Variants in CLTCL1 observed in about 807,000 individuals in gnomAD.
CLTCL1 encodes the protein clathrin heavy chain 2.
In CLTCL1, 159 loss-of-function variants were observed where a neutral mutation model predicts 190.0. The ratio of observed to expected loss-of-function variants is 0.84; its 90% CI spans 0.74 to 0.95. The LOEUF is 0.95. CLTCL1 is among the 40% of genes least tolerant of loss of function. CLTCL1 has a pLI of 0.00. For synonymous variants in CLTCL1, 752 were observed against 769.6 expected (o/e 0.98, Z 0.38); for missense variants, 1,878 against 2,033.4 (o/e 0.92, Z 1.47).
chr22:19,207,010 A>ATTTTTTTTTTTTT (rs781980213), intron 22 of CLTCL1, among the ~76,000 whole-genome samples: 1 of 92,784 alleles, frequency 1.1e-5, no homozygotes. Flanking sequence ...TAAACTACTA[A>ATTTTTTTTTTTTT]TTTTTTTTTT....
chr22:19,199,941 A>C (rs2084827692), intron 23 of CLTCL1, 100 bp from the exon 24 acceptor site: 3 of 686,450 alleles, frequency 4.4e-6, no homozygotes, highest in Non-Finnish European at 7.4e-6. Context: ...AAATACCAGC[A>C]GTGGGGTATT....
chr22:19,202,654 G>C (rs2084935250), intron 22 of CLTCL1, among the ~76,000 whole-genome samples: 2 of 135,376 alleles, frequency 1.5e-5, no homozygotes. Flanking sequence ...GGCACCTCTT[G>C]TACCACCCCT....
At chr22:19,281,689 G>A (rs2087721234) in intron 1 of CLTCL1, among the ~76,000 whole-genome samples, 1 of 152,164 alleles carries the variant, frequency 6.6e-6, no homozygotes, top group Admixed American at 6.5e-5. Context: ...AAGTGGGCCT[G>A]GGTTTTCTAA....
intron 1 of CLTCL1, among the ~76,000 whole-genome samples, chr22:19,276,919 T>A (rs552317114): frequency 2.6e-5 from 4 of 151,958 alleles, no homozygotes; most frequent in Non-Finnish European, 4.4e-5. Flanking sequence ...TGATCCGCCC[T>A]CCTTGGCCTC....
chr22:19,236,432 C>T (rs2086083553), intron 5 of CLTCL1, among the ~76,000 whole-genome samples: 1 of 152,140 alleles, frequency 6.6e-6, no homozygotes. Flanking sequence ...CACTTATTAA[C>T]CTTTGAGTTT....
intron 2 of CLTCL1, among the ~76,000 whole-genome samples, chr22:19,272,299 A>C (rs1224132418): frequency 2.0e-5 from 3 of 152,188 alleles, no homozygotes; most frequent in African/African-American, 7.2e-5. Context: ...CAGCAAAGAA[A>C]GTATGAACAG....
At chr22:19,180,271 G>C (rs2084086179) in intron 31 of CLTCL1, 33 bp from the exon 32 acceptor site, 1 of 1,613,138 alleles carries the variant, frequency 6.2e-7, no homozygotes, top group African/African-American at 1.3e-5. Context: ...AATGGTGGAA[G>C]GACACACTCA....
At chr22:19,216,288 T>C (rs1454734771) in intron 18 of CLTCL1, 32 bp from the exon 19 acceptor site, 2 of 1,608,844 alleles carry the variant, frequency 1.2e-6, no homozygotes, top group Non-Finnish European at 1.7e-6. Context: ...AAGAACTTGA[T>C]TAAAGTCAAT....
At chr22:19,255,277 A>G (rs376053923) in intron 2 of CLTCL1, among the ~76,000 whole-genome samples, 66 of 152,300 alleles carry the variant, frequency 4.3e-4, no homozygotes, top group African/African-American at 1.5e-3. Flanking sequence ...AAAAATTTCA[A>G]TTGGGCTGGG....
chr22:19,236,593 T>A (rs1389802227), intron 5 of CLTCL1, among the ~76,000 whole-genome samples: 1 of 152,144 alleles, frequency 6.6e-6, no homozygotes, highest in African/African-American at 2.4e-5. Context: ...ATTTTACCAC[T>A]GGAAGAGACA....
intron 30 of CLTCL1, 58 bp downstream of exon 30, chr22:19,183,332 G>T: frequency 6.8e-7 from 1 of 1,480,018 alleles, no homozygotes; most frequent in Non-Finnish European, 9.3e-7. Context: ...CAGAGTCACT[G>T]CCAGGGTTGG....
intron 15 of CLTCL1, 100 bp downstream of exon 15, chr22:19,222,584 T>A: frequency 7.2e-7 from 1 of 1,384,106 alleles, no homozygotes; most frequent in East Asian, 2.5e-5. Flanking sequence ...AAAATGATAG[T>A]CTCTGAAATG....
chr22:19,218,356 A>G (rs1389400049), intron 18 of CLTCL1, among the ~76,000 whole-genome samples: 1 of 152,218 alleles, frequency 6.6e-6, no homozygotes, highest in Non-Finnish European at 1.5e-5. Flanking sequence ...TTTTTATTAG[A>G]TTTGGATGGG....
chr22:19,234,774 C>A (rs1388193572), intron 6 of CLTCL1, 68 bp from the exon 7 acceptor site: 8 of 1,343,870 alleles, frequency 6.0e-6, no homozygotes, highest in Non-Finnish European at 8.4e-6. Context: ...CTGCCATGTT[C>A]CCTTCCGATG....
At chr22:19,255,834 T>C (rs949591067) in intron 2 of CLTCL1, among the ~76,000 whole-genome samples, 1 of 145,280 alleles carries the variant, frequency 6.9e-6, no homozygotes, top group African/African-American at 2.6e-5. Context: ...TGCTTGAGCC[T>C]GGGAGGCGGA....
intron 20 of CLTCL1, among the ~76,000 whole-genome samples, chr22:19,210,118 C>T (rs549162908): frequency 4.6e-5 from 7 of 152,110 alleles, no homozygotes; most frequent in Admixed American, 4.6e-4. Flanking sequence ...GACTAACAGC[C>T]AATGGAAGGA....
At chr22:19,185,188 G>A (rs116889858) in intron 29 of CLTCL1, among the ~76,000 whole-genome samples, 555 of 152,266 alleles carry the variant, frequency 3.6e-3, no homozygotes, top group African/African-American at 0.012. Flanking sequence ...TGTGCACTGG[G>A]GCTTGTGGGC....
intron 2 of CLTCL1, among the ~76,000 whole-genome samples, chr22:19,263,476 G>A (rs559574415): frequency 1.6e-4 from 24 of 152,056 alleles, no homozygotes; most frequent in South Asian, 4.1e-4. Context: ...GTGCAGTGGC[G>A]CAGTCTTGGC....
At chr22:19,210,280 G>A (rs1555945677) in intron 20 of CLTCL1, 46 bp downstream of exon 20, 1 of 1,582,344 alleles carries the variant, frequency 6.3e-7, no homozygotes, top group South Asian at 1.1e-5. Context: ...CACTCATGAT[G>A]TGGCAGAAGG....
Sources: gnomAD v4.1 joint callset for allele counts (sites outside exome capture counted in the v4.1 genomes callset) on GRCh38, gnomAD v4.1.1 for gene constraint, MANE v1.5 for transcripts, NCBI Gene and HGNC (gene_info 2026-07-23, HGNC 2026-07-21) for gene names.